Variants in LIPC observed in about 807,000 individuals in gnomAD.
LIPC encodes the protein hepatic triacylglycerol lipase.
Under a neutral mutation model 50.7 loss-of-function variants are expected in LIPC, and 44 were observed. The observed-to-expected ratio is 0.87, with a 90% CI of 0.68 to 1.11. The LOEUF is 1.11. Ranked by LOEUF, LIPC falls within the 50% of genes most tolerant of loss-of-function variation. LIPC has a pLI of 0.00. For synonymous variants in LIPC, 271 were observed against 256.4 expected, an observed-to-expected ratio of 1.06 and a Z score of -0.54; for missense variants, 697 against 648.2, an observed-to-expected ratio of 1.08 and a Z score of -0.82.
At chr15:58,536,765 C>G (rs1353157073) in intron 1 of LIPC, among the ~76,000 whole-genome samples, 1 of 152,172 alleles carries the variant, frequency 6.6e-6, no homozygotes, top group African/African-American at 2.4e-5. Flanking sequence ...CTCACACCTC[C>G]TTTTAATAAA....
intron 1 of LIPC, among the ~76,000 whole-genome samples, chr15:58,434,652 G>T (rs1165050045): frequency 6.6e-6 from 1 of 152,236 alleles, no homozygotes; most frequent in African/African-American, 2.4e-5. Flanking sequence ...CTGCCCTTCA[G>T]CACTAAGGGG....
chr15:58,460,607 T>C (rs1409185259), intron 1 of LIPC, among the ~76,000 whole-genome samples: 1 of 152,220 alleles, frequency 6.6e-6, no homozygotes, highest in Non-Finnish European at 1.5e-5. Context: ...CAGGCTCTGA[T>C]GGGTGACATC....
chr15:58,476,622 C>T (rs540439226), intron 1 of LIPC, among the ~76,000 whole-genome samples: 4 of 152,336 alleles, frequency 2.6e-5, no homozygotes, highest in East Asian at 3.9e-4. Flanking sequence ...CTGCCGGCTG[C>T]GTTCCAAATG....
chr15:58,458,636 C>G (rs1238426597), intron 1 of LIPC, among the ~76,000 whole-genome samples: 1 of 152,190 alleles, frequency 6.6e-6, no homozygotes, highest in Non-Finnish European at 1.5e-5. Context: ...GACCAGCTTT[C>G]CAACAGGGCT....
At chr15:58,518,372 A>C (rs1892547246) in intron 1 of LIPC, among the ~76,000 whole-genome samples, 1 of 152,110 alleles carries the variant, frequency 6.6e-6, no homozygotes, top group Non-Finnish European at 1.5e-5. Context: ...TAGTTCTGTG[A>C]AAGGAGAAAC....
intron 1 of LIPC, among the ~76,000 whole-genome samples, chr15:58,465,264 C>T (rs1331512763): frequency 1.3e-4 from 20 of 152,112 alleles, no homozygotes; most frequent in African/African-American, 4.8e-4. Flanking sequence ...AATCTTTGCA[C>T]CTTGGAGCAG....
intron 1 of LIPC, among the ~76,000 whole-genome samples, chr15:58,459,093 C>T (rs1357449762): frequency 6.6e-6 from 1 of 152,144 alleles, no homozygotes; most frequent in African/African-American, 2.4e-5. Flanking sequence ...GTCATGCCTC[C>T]TATTTTTTTA....
At chr15:58,471,671 T>A (rs1890810618) in intron 1 of LIPC, among the ~76,000 whole-genome samples, 1 of 152,230 alleles carries the variant, frequency 6.6e-6, no homozygotes, top group Non-Finnish European at 1.5e-5. Context: ...AAAAGAAACT[T>A]CTGGAGTCAG....
intron 1 of LIPC, chr15:58,498,617 TAAAACATTGA>T (rs757535711): frequency 6.6e-6 from 1 of 152,058 alleles, no homozygotes; most frequent in Non-Finnish European, 1.5e-5. Context: ...GCAATCATGA[TAAAACATTGA>T]GAAACACTGA....
rs1893144351 is a variant in LIPC, at chr15:58,432,129, C to T, written c.88+9C>T. ...ACAAAGCCTGAAACCAGGTAAGAGC[C>T]TGACTTTTCTCCAGAGATGGGCATG... On this transcript the variant is annotated intron_variant, in intron 1 of 8. Transcript: ENST00000299022. 1 of 1,596,482 alleles carries T rather than the reference C, an allele frequency of 6.3e-7. No individual in the cohort carries two copies. The highest frequency in any genetic ancestry group is 8.6e-7 in the Non-Finnish European group (1 of 1,164,150).
intron 1 of LIPC, among the ~76,000 whole-genome samples, chr15:58,438,376 A>G (rs1893382109): frequency 6.6e-6 from 1 of 152,164 alleles, no homozygotes; most frequent in African/African-American, 2.4e-5. Context: ...CGATTCTCAC[A>G]GCCAGGAAGG....
At chr15:58,523,101 T>G (rs1429784135) in intron 1 of LIPC, 1 of 152,422 alleles carries the variant, frequency 6.6e-6, no homozygotes, top group Non-Finnish European at 1.5e-5. Context: ...TTCCTCTCGC[T>G]CTGGGCACCC....
At chr15:58,464,941 C>G (rs1398645164) in intron 1 of LIPC, among the ~76,000 whole-genome samples, 1 of 152,132 alleles carries the variant, frequency 6.6e-6, no homozygotes, top group Non-Finnish European at 1.5e-5. Flanking sequence ...CCACTGTACT[C>G]CAGCCTGGGC....
chr15:58,506,081 G>C (rs985093202), intron 1 of LIPC, among the ~76,000 whole-genome samples: 3 of 152,142 alleles, frequency 2.0e-5, no homozygotes, highest in African/African-American at 7.2e-5. Context: ...TGTCTCTGTG[G>C]TGTGTGCCCC....
At chr15:58,566,852 C>T (rs1282699511) in intron 8 of LIPC, among the ~76,000 whole-genome samples, 2 of 152,248 alleles carry the variant, frequency 1.3e-5, no homozygotes, top group South Asian at 2.1e-4. Context: ...AATTCAAAAA[C>T]GGACAACACC....
chr15:58,468,954 G>A (rs1490007448), intron 1 of LIPC, among the ~76,000 whole-genome samples: 3 of 152,186 alleles, frequency 2.0e-5, no homozygotes, highest in African/African-American at 7.2e-5. Flanking sequence ...TAACGTTTAT[G>A]AAGTATTTGC....
At chr15:58,502,449 ACTT>A (rs1280423565) in intron 1 of LIPC, among the ~76,000 whole-genome samples, 2 of 151,764 alleles carry the variant, frequency 1.3e-5, no homozygotes, top group African/African-American at 4.8e-5. Context: ...TCGCATCCCT[ACTT>A]AGCTCCTACC....
chr15:58,459,703 C>T (rs567135390), intron 1 of LIPC, among the ~76,000 whole-genome samples: 8 of 152,364 alleles, frequency 5.3e-5, no homozygotes, highest in African/African-American at 1.9e-4. Flanking sequence ...TGCTCTGCAC[C>T]GTGTTCTGGT....
Position 58,553,656 on chromosome 15 carries a change from T to C in LIPC, c.1051+5084T>C, listed in dbSNP as rs1595947921. ...CATCCAGTCTCGTGACATCAGGGCA[T>C]CACTTAAATGGGACTGTACTGTTAA... On this transcript the variant is annotated intron_variant, in intron 6 of 8. Coordinates refer to ENST00000299022, the MANE Select transcript of LIPC (RefSeq NM_000236.3). Among the ~76,000 whole-genome samples the C allele has an allele frequency of 3.3e-5, 5 of 152,206 alleles. No individual in the cohort carries two copies. In the East Asian group the frequency reaches 7.7e-4, roughly 23 times the overall value.
Sources: gnomAD v4.1 joint callset for allele counts (sites outside exome capture counted in the v4.1 genomes callset) on GRCh38, gnomAD v4.1.1 for gene constraint, MANE v1.5 for transcripts, NCBI Gene and HGNC (gene_info 2026-07-23, HGNC 2026-07-21) for gene names.